STK39: variants seen among roughly 807,000 people sequenced by gnomAD.
STK39 encodes serine/threonine kinase 39, also known as STE20/SPS1-related proline-alanine-rich protein kinase.
Under a neutral mutation model 77.8 loss-of-function variants are expected in STK39, and 20 were observed. The ratio of observed to expected loss-of-function variants is 0.26; its 90% CI spans 0.18 to 0.37. STK39 has a LOEUF of 0.37. STK39 is among the 10% of genes least tolerant of loss of function. The pLI is 1.00. For synonymous variants in STK39, 246 were observed against 234.1 expected, an observed-to-expected ratio of 1.05 and a Z score of -0.47; for missense variants, 479 against 656.5, an observed-to-expected ratio of 0.73 and a Z score of 2.95.
At chr2:168,167,695 A>C (rs1423481441) in intron 2 of STK39, among the ~76,000 whole-genome samples, 1 of 152,198 alleles carries the variant, frequency 6.6e-6, no homozygotes, top group Non-Finnish European at 1.5e-5. Context: ...CAACTCTGCC[A>C]GCAGAGAGCC....
chr2:168,173,520 T>C (rs528103025), intron 2 of STK39, among the ~76,000 whole-genome samples: 8 of 151,746 alleles, frequency 5.3e-5, no homozygotes, highest in African/African-American at 1.9e-4. Flanking sequence ...TTTTCAATCA[T>C]GAAAATGTCA....
intron 1 of STK39, among the ~76,000 whole-genome samples, chr2:168,202,842 T>C (rs899174716): frequency 2.0e-5 from 3 of 152,032 alleles, no homozygotes; most frequent in Non-Finnish European, 4.4e-5. Flanking sequence ...AGTATGATCA[T>C]ATGCAGAGTA....
chr2:168,163,593 G>A, intron 4 of STK39, 146 bp downstream of exon 4: 4 of 1,582,582 alleles, frequency 2.5e-6, no homozygotes, highest in Non-Finnish European at 2.6e-6. Flanking sequence ...TACAAACTAG[G>A]GCTGAAGATA....
chr2:168,070,585 T>C, intron 12 of STK39, among the ~76,000 whole-genome samples: 1 of 120,524 alleles, frequency 8.3e-6, no homozygotes, highest in Non-Finnish European at 1.7e-5. Flanking sequence ...CCTAATGCTA[T>C]CCCTCCCCCC....
At chr2:168,123,354 A>G (rs1010862775) in intron 10 of STK39, among the ~76,000 whole-genome samples, 12 of 152,212 alleles carry the variant, frequency 7.9e-5, no homozygotes, top group Non-Finnish European at 1.6e-4. Context: ...ATAGTATTAC[A>G]TCGATGTTCT....
chr2:168,011,210 A>G (rs1343308414), intron 16 of STK39, among the ~76,000 whole-genome samples: 2 of 152,074 alleles, frequency 1.3e-5, no homozygotes, highest in African/African-American at 4.8e-5. Context: ...GAGGCACGAG[A>G]ATTGCTTGGA....
rs1302474564 is a variant in STK39 at position 168,129,556 on chromosome 2, G to T, written c.1074C>A (p.Ala358=). The T allele has an allele frequency of 6.2e-7, 1 of 1,613,996 alleles. No individual in the cohort carries two copies. The highest frequency in any genetic ancestry group is 1.1e-5 in the South Asian group (1 of 91,086). The change falls in exon 10 of 18, where the codon GCC becomes GCA. Residue 358 remains alanine (A), a synonymous_variant. Coordinates refer to ENST00000355999, the MANE Select transcript of STK39 (RefSeq NM_013233.3). ...TGGCACTTACCTTTTTGGCTCTTTG[G>T]GCTATGTCTGGTGTTCTTGTAAGCA... is the stretch of plus-strand genomic sequence containing the variant. ...EKLLTRTPDI[A]QRAKKVRRVP...
rs1243817030 is a variant in STK39, at chr2:167,978,808, TG to T, written c.1499-14083del. ...TGCCTTCTCAAGGAAACCACTGATG[TG>T]TTTTCTGTCACTATAGATTAGTTTA... On this transcript the variant is annotated intron_variant, in intron 16 of 17. Transcript: ENST00000355999. Among the ~76,000 whole-genome samples, 7 of 152,290 alleles carry T rather than the reference TG, an allele frequency of 4.6e-5. 1 individual carries two copies. Among genetic ancestry groups the T allele is most frequent in the African/African-American group, 1.7e-4 (7 of 41,568 alleles).
intron 10 of STK39, among the ~76,000 whole-genome samples, chr2:168,098,373 T>C (rs898573503): frequency 6.6e-6 from 1 of 152,180 alleles, no homozygotes; most frequent in African/African-American, 2.4e-5. Flanking sequence ...GGTGGTTTTA[T>C]ACCTATTGCA....
chr2:168,055,970 A>G (rs963709257), intron 14 of STK39, among the ~76,000 whole-genome samples: 9 of 152,120 alleles, frequency 5.9e-5, no homozygotes, highest in African/African-American at 2.2e-4. Flanking sequence ...TGATAATTCA[A>G]TTTTTTTGAT....
chr2:168,224,173 T>C (rs1690248559), intron 1 of STK39, among the ~76,000 whole-genome samples: 1 of 151,478 alleles, frequency 6.6e-6, no homozygotes, highest in African/African-American at 2.4e-5. Flanking sequence ...TAAACCAAAA[T>C]AGAAAAGAAT....
At chr2:167,997,428 T>C (rs1446336408) in intron 16 of STK39, among the ~76,000 whole-genome samples, 1 of 152,080 alleles carries the variant, frequency 6.6e-6, no homozygotes, top group Non-Finnish European at 1.5e-5. Flanking sequence ...ACTGAGTGCC[T>C]CCTGGAGGCC....
chr2:167,974,219 A>T (rs1429597010), intron 16 of STK39, among the ~76,000 whole-genome samples: 1 of 152,176 alleles, frequency 6.6e-6, no homozygotes, highest in Non-Finnish European at 1.5e-5. Flanking sequence ...TCAGTGAGTA[A>T]AAGTTTTTGC....
chr2:167,984,723 C>T (rs543408893), intron 16 of STK39, among the ~76,000 whole-genome samples: 5 of 152,142 alleles, frequency 3.3e-5, no homozygotes, highest in Admixed American at 2.0e-4. Flanking sequence ...ATATTTTTAA[C>T]AGTTGTGTGA....
At chr2:168,157,818 A>C (rs1688473248) in intron 5 of STK39, among the ~76,000 whole-genome samples, 1 of 152,164 alleles carries the variant, frequency 6.6e-6, no homozygotes, top group Non-Finnish European at 1.5e-5. Flanking sequence ...AGTGAAAATG[A>C]GCATGAGATC....
intron 10 of STK39, among the ~76,000 whole-genome samples, chr2:168,111,634 A>C (rs1646833353): frequency 6.6e-6 from 1 of 152,198 alleles, no homozygotes; most frequent in Non-Finnish European, 1.5e-5. Context: ...TAGTTCTCAC[A>C]TGTATACAGC....
chr2:168,077,507 G>A (rs2105408735), intron 10 of STK39, among the ~76,000 whole-genome samples: 2 of 152,272 alleles, frequency 1.3e-5, no homozygotes, highest in Middle Eastern at 3.4e-3. Flanking sequence ...AAGAAATGGT[G>A]GGATGGGCCT....
intron 10 of STK39, among the ~76,000 whole-genome samples, chr2:168,076,689 A>T (rs184995626): frequency 0.01 from 1,578 of 151,880 alleles, 32 homozygotes; most frequent in African/African-American, 0.035. Flanking sequence ...ATTTTTTTTT[A>T]AAAAAAGCTT....
chr2:168,113,942 A>C (rs1378700035), intron 10 of STK39, among the ~76,000 whole-genome samples: 1 of 152,228 alleles, frequency 6.6e-6, no homozygotes, highest in African/African-American at 2.4e-5. Context: ...GCTGATTCAG[A>C]TGTCATTTAT....
Sources: allele counts gnomAD v4.1 joint callset (sites outside exome capture counted in the v4.1 genomes callset), GRCh38; gene constraint gnomAD v4.1.1; transcripts MANE v1.5; gene names NCBI Gene and HGNC (gene_info 2026-07-23, HGNC 2026-07-21).